The following UST variants were observed in gnomAD, a reference collection of about 807,000 sequenced individuals.
UST encodes the protein chondroitin sulfate 2-O-sulfotransferase.
UST carries 21 observed loss-of-function variants against 45.6 expected under a neutral mutation model. That is an observed-to-expected ratio of 0.46 (90% CI 0.33 to 0.66). The LOEUF (loss-of-function observed/expected upper bound fraction) is 0.66, where lower values mean the gene tolerates loss of function less well. Among genes scored for constraint, UST ranks in the 30% least tolerant of loss-of-function variants. The pLI, the probability that UST is intolerant of heterozygous loss-of-function variation, is 0.02. For synonymous variants in UST, 215 were observed against 200.6 expected, an observed-to-expected ratio of 1.07 and a Z score of -0.61; for missense variants, 463 against 512.4, an observed-to-expected ratio of 0.90 and a Z score of 0.93.
intron 3 of UST, 101 bp from the exon 4 acceptor site, chr6:148,953,771 C>CAA (rs58266916): frequency 0.023 from 6,119 of 265,422 alleles, 51 homozygotes; most frequent in African/African-American, 0.044. Context: ...GACTCCATCT[C>CAA]AAAAAAAAAA....
At chr6:148,986,944 G>A (rs965638655) in intron 5 of UST, among the ~76,000 whole-genome samples, 1 of 152,216 alleles carries the variant, frequency 6.6e-6, no homozygotes, top group Non-Finnish European at 1.5e-5. Flanking sequence ...GATGCTGATT[G>A]ATATACATCA....
At chr6:148,807,811 A>G (rs533418154) in intron 1 of UST, among the ~76,000 whole-genome samples, 1 of 152,194 alleles carries the variant, frequency 6.6e-6, no homozygotes, top group Non-Finnish European at 1.5e-5. Context: ...ATCACCCTGG[A>G]TGCTTGTGAT....
chr6:148,796,738 G>A (rs1776956671), intron 1 of UST, among the ~76,000 whole-genome samples: 1 of 148,706 alleles, frequency 6.7e-6, no homozygotes, highest in African/African-American at 2.5e-5. Flanking sequence ...TGCTTCCCTA[G>A]TACAGGCTCT....
At chr6:148,833,255 G>A (rs4895772) in intron 1 of UST, among the ~76,000 whole-genome samples, 39,935 of 152,124 alleles carry the variant, frequency 0.26, 5,436 homozygotes, top group African/African-American at 0.33. Context: ...TGTGAGGCCA[G>A]GGCGGACGGA....
chr6:148,882,467 C>G (rs1378109543), intron 1 of UST, among the ~76,000 whole-genome samples: 2 of 76,198 alleles, frequency 2.6e-5, no homozygotes, highest in Non-Finnish European at 4.7e-5. Context: ...GCCCGGGCAA[C>G]AAGAGCAAAA....
intron 1 of UST, among the ~76,000 whole-genome samples, chr6:148,877,874 T>TG (rs1582871918): frequency 4.5e-5 from 3 of 67,074 alleles, no homozygotes; most frequent in African/African-American, 6.0e-5. Flanking sequence ...TGTACGAGTG[T>TG]GGGGATCGTG....
intron 7 of UST, among the ~76,000 whole-genome samples, chr6:149,056,218 G>A (rs1349317511): frequency 1.7e-5 from 2 of 119,298 alleles, no homozygotes; most frequent in African/African-American, 3.2e-5. Flanking sequence ...GGGTTCAAGC[G>A]ACTCTCAGCC....
chr6:149,050,861 G>A (rs989708882), intron 7 of UST, among the ~76,000 whole-genome samples: 8 of 152,154 alleles, frequency 5.3e-5, no homozygotes, highest in Admixed American at 5.2e-4. Flanking sequence ...CATTTGATTT[G>A]GACTATGGTG....
chr6:148,854,955 C>T (rs1778174324), intron 1 of UST, among the ~76,000 whole-genome samples: 1 of 151,986 alleles, frequency 6.6e-6, no homozygotes. Flanking sequence ...GTTTAATGGA[C>T]GTCGGGTTCC....
chr6:148,917,064 G>T (rs1047451627), intron 2 of UST, among the ~76,000 whole-genome samples: 4 of 152,188 alleles, frequency 2.6e-5, no homozygotes, highest in African/African-American at 7.2e-5. Flanking sequence ...AGTGAAGAAA[G>T]GGAAGAGGAG....
intron 1 of UST, among the ~76,000 whole-genome samples, chr6:148,754,015 A>G (rs1776040468): frequency 7.0e-6 from 1 of 142,212 alleles, no homozygotes; most frequent in South Asian, 2.2e-4. Context: ...TTTTTTTGAG[A>G]TTGGAGGCTC....
intron 7 of UST, among the ~76,000 whole-genome samples, chr6:149,061,525 C>G (rs1203858391): frequency 7.5e-6 from 1 of 133,350 alleles, no homozygotes; most frequent in Non-Finnish European, 1.6e-5. Flanking sequence ...TGATATTTAT[C>G]ATTCACATCC....
chr6:148,972,533 A>ATGGC (rs1780936497), intron 5 of UST, among the ~76,000 whole-genome samples: 1 of 152,212 alleles, frequency 6.6e-6, no homozygotes, highest in South Asian at 2.1e-4. Context: ...CGCTGCTCTG[A>ATGGC]TGGCTGCCAA....
intron 1 of UST, among the ~76,000 whole-genome samples, chr6:148,827,071 A>G (rs1777582989): frequency 6.6e-6 from 1 of 152,182 alleles, no homozygotes; most frequent in Non-Finnish European, 1.5e-5. Context: ...CTACCTACCA[A>G]TAAATAAGGG....
At chr6:148,826,987 C>T (rs900178848) in intron 1 of UST, among the ~76,000 whole-genome samples, 2 of 152,004 alleles carry the variant, frequency 1.3e-5, no homozygotes, top group African/African-American at 2.4e-5. Context: ...CTCCTGAAGT[C>T]TCTTTTGCCA....
chr6:148,944,076 AT>A (rs1780184695), intron 3 of UST, among the ~76,000 whole-genome samples: 1 of 152,142 alleles, frequency 6.6e-6, no homozygotes, highest in East Asian at 1.9e-4. Context: ...TTATTTTAAT[AT>A]ATATTCAAGA....
Position 148,801,155 on chromosome 6 carries a change from G to C in UST, c.247+53478G>C, listed in dbSNP as rs1582820699. On this transcript the variant is annotated intron_variant, in intron 1 of 7. Coordinates refer to ENST00000367463, the MANE Select transcript of UST (RefSeq NM_005715.3). The stretch of plus-strand genomic sequence containing the variant: ...AACATTTGGGTTTTGAGAACATGAG[G>C]ATCTAGTTTTGCTGTGTATTGTGTC... 3.3e-5 allele frequency among the ~76,000 whole-genome samples: 5 copies of C among 151,588 alleles called. No homozygotes were observed. In the South Asian group the frequency reaches 1.0e-3, roughly 31 times the overall value.
intron 5 of UST, among the ~76,000 whole-genome samples, chr6:149,004,890 G>A (rs1781618442): frequency 6.6e-6 from 1 of 152,186 alleles, no homozygotes; most frequent in Admixed American, 6.5e-5. Flanking sequence ...CCGGAATGCA[G>A]TGGTGCGATC....
intron 1 of UST, among the ~76,000 whole-genome samples, chr6:148,851,383 GA>G (rs1434762881): frequency 6.6e-6 from 1 of 151,980 alleles, no homozygotes; most frequent in Non-Finnish European, 1.5e-5. Context: ...AAATTATAAA[GA>G]AAAAAATGCA....
Sources: gnomAD v4.1 joint callset for allele counts (sites outside exome capture counted in the v4.1 genomes callset) on GRCh38, gnomAD v4.1.1 for gene constraint, MANE v1.5 for transcripts, NCBI Gene and HGNC (gene_info 2026-07-23, HGNC 2026-07-21) for gene names.